The following CLSTN1 variants were observed in gnomAD, a reference collection of about 807,000 sequenced individuals.
CLSTN1 encodes the protein calsyntenin-1.
CLSTN1 carries 28 observed loss-of-function variants against 108.3 expected under a neutral mutation model. That is an observed-to-expected ratio of 0.26 (90% CI 0.19 to 0.35). The LOEUF (loss-of-function observed/expected upper bound fraction) is 0.35, where lower values mean the gene tolerates loss of function less well. CLSTN1 is among the 10% of genes least tolerant of loss of function. The probability of loss-of-function intolerance (pLI) is 1.00; values close to 1 mark genes in which losing one functional copy is unlikely to be tolerated. For missense variants in CLSTN1, 1,157 were observed against 1,302.6 expected (o/e 0.89, Z 1.72); for synonymous variants, 524 against 534.9 (o/e 0.98, Z 0.28).
rs569901195 is a variant in CLSTN1, at chr1:9,770,527, C to A, written c.214+2745G>T. Among the ~76,000 whole-genome samples, 111 of 152,316 alleles carry A rather than the reference C, an allele frequency of 7.3e-4. 1 individual carries two copies. Among genetic ancestry groups the A allele is most frequent in the African/African-American group, 2.6e-3 (109 of 41,572 alleles). ...GGCTGGAGCCCTGCCTCTGCACCCC[C>A]CGACCAGCTACACGCCCAGAGCAAT... On this transcript the variant is annotated intron_variant, in intron 2 of 18. Coordinates refer to ENST00000377298, the MANE Select transcript of CLSTN1 (RefSeq NM_001009566.3).
intron 7 of CLSTN1, among the ~76,000 whole-genome samples, chr1:9,748,296 C>G (rs796162118): frequency 9.9e-5 from 15 of 152,186 alleles, no homozygotes; most frequent in African/African-American, 3.6e-4. Context: ...TTAGATAAAC[C>G]AGAAAAATAT....
intron 1 of CLSTN1, among the ~76,000 whole-genome samples, chr1:9,809,596 C>T (rs1654643176): frequency 6.6e-6 from 1 of 152,096 alleles, no homozygotes; most frequent in Admixed American, 6.6e-5. Context: ...GCCTGGTCAA[C>T]ATGGTGAAAC....
chr1:9,812,550 TA>T (rs1157165915), intron 1 of CLSTN1, among the ~76,000 whole-genome samples: 1 of 152,060 alleles, frequency 6.6e-6, no homozygotes, highest in African/African-American at 2.4e-5. Flanking sequence ...AGGGTTGGTT[TA>T]AAAACCTATT....
intron 2 of CLSTN1, 87 bp from the exon 3 acceptor site, chr1:9,756,597 T>C: frequency 9.4e-7 from 1 of 1,065,782 alleles, no homozygotes; most frequent in Non-Finnish European, 1.4e-6. Flanking sequence ...AAGGTGCACA[T>C]ATTACACATT....
At chr1:9,778,004 A>C (rs1249259107) in intron 1 of CLSTN1, among the ~76,000 whole-genome samples, 1 of 152,040 alleles carries the variant, frequency 6.6e-6, no homozygotes, top group African/African-American at 2.4e-5. Flanking sequence ...ACTGGAGCCC[A>C]GTGCCCAAAG....
chr1:9,747,216 T>C (rs970821928), intron 7 of CLSTN1, among the ~76,000 whole-genome samples: 2 of 140,168 alleles, frequency 1.4e-5, no homozygotes, highest in African/African-American at 2.6e-5. Flanking sequence ...ACCTGGTGCA[T>C]AGTAAGCACT....
intron 2 of CLSTN1, among the ~76,000 whole-genome samples, chr1:9,766,801 T>A (rs1420061921): frequency 6.6e-6 from 1 of 152,218 alleles, no homozygotes; most frequent in Non-Finnish European, 1.5e-5. Flanking sequence ...ATACCAAGAC[T>A]CTGTATCAGA....
At chr1:9,791,657 G>C (rs1653777732) in intron 1 of CLSTN1, among the ~76,000 whole-genome samples, 1 of 151,222 alleles carries the variant, frequency 6.6e-6, no homozygotes. Flanking sequence ...TCAGCCTCCT[G>C]AGAAGTTGGG....
In CLSTN1 at chr1:9,735,506, G is replaced by C; in HGVS notation, c.1844C>G (p.Thr615Arg). Residue 615 changes from threonine to arginine, a missense_variant, in exon 13 of 19, where the codon ACG (threonine) becomes AGG (arginine). By Grantham distance (71) the Thr-to-Arg change is moderately conservative. Transcript: ENST00000377298. ...ISYLNSRQFP[T>R]PGIRRLKITS... ...GATTTTGAGTCTGCGAATTCCGGGC[G>C]TGGGGAACTGCCGGGAGTTCAGGTA... The C allele has an allele frequency of 1.2e-6, 2 of 1,614,192 alleles. No homozygotes were observed. The highest frequency in any genetic ancestry group is 1.7e-6 in the Non-Finnish European group (2 of 1,180,030).
chr1:9,794,195 G>A (rs942208457), intron 1 of CLSTN1, among the ~76,000 whole-genome samples: 1 of 151,544 alleles, frequency 6.6e-6, no homozygotes, highest in Non-Finnish European at 1.5e-5. Context: ...AGAGCCCTGA[G>A]CTTTCTTCAG....
intron 9 of CLSTN1, among the ~76,000 whole-genome samples, chr1:9,742,094 G>A (rs1651012418): frequency 6.6e-6 from 1 of 152,220 alleles, no homozygotes; most frequent in Non-Finnish European, 1.5e-5. Context: ...GCATCAGCCA[G>A]CTGCAATGGG....
intron 1 of CLSTN1, among the ~76,000 whole-genome samples, chr1:9,821,439 A>C (rs534318022): frequency 6.6e-6 from 1 of 151,220 alleles, no homozygotes; most frequent in African/African-American, 2.4e-5. Context: ...AGCTCTACTC[A>C]ATGTTTTTTG....
intron 2 of CLSTN1, among the ~76,000 whole-genome samples, chr1:9,761,369 T>C (rs898241886): frequency 6.6e-6 from 1 of 152,044 alleles, no homozygotes; most frequent in South Asian, 2.1e-4. Flanking sequence ...GGCGTGTGCC[T>C]GAGGTCCCGG....
At chr1:9,782,190 C>A (rs1477026610) in intron 1 of CLSTN1, among the ~76,000 whole-genome samples, 1 of 152,112 alleles carries the variant, frequency 6.6e-6, no homozygotes, top group Non-Finnish European at 1.5e-5. Context: ...AAAATTTAAA[C>A]TTCTAGAAAC....
chr1:9,788,696 T>C (rs575421858), intron 1 of CLSTN1, among the ~76,000 whole-genome samples: 3 of 150,814 alleles, frequency 2.0e-5, no homozygotes, highest in African/African-American at 7.3e-5. Context: ...TGAAACCCCA[T>C]CTCTACTAAA....
At chr1:9,766,971 CAT>C (rs939475922) in intron 2 of CLSTN1, among the ~76,000 whole-genome samples, 2 of 152,252 alleles carry the variant, frequency 1.3e-5, no homozygotes, top group East Asian at 1.9e-4. Context: ...CCCACACACA[CAT>C]GCCTTGTAGT....
chr1:9,789,501 A>G (rs1391739501), intron 1 of CLSTN1, among the ~76,000 whole-genome samples: 1 of 151,516 alleles, frequency 6.6e-6, no homozygotes, highest in East Asian at 2.0e-4. Context: ...ACTAACCACT[A>G]TAATGATCCA....
At chr1:9,776,835 C>G (rs951638508) in intron 1 of CLSTN1, among the ~76,000 whole-genome samples, 2 of 151,264 alleles carry the variant, frequency 1.3e-5, no homozygotes, top group Non-Finnish European at 2.9e-5. Context: ...TATCATCTAT[C>G]AGCATTTATC....
chr1:9,746,435 G>GCTA (rs1391002982), intron 7 of CLSTN1, among the ~76,000 whole-genome samples: 1 of 152,230 alleles, frequency 6.6e-6, no homozygotes. Flanking sequence ...AGCTCCTGAA[G>GCTA]CTAGACGTGG....
Sources: gnomAD v4.1 joint callset for allele counts (sites outside exome capture counted in the v4.1 genomes callset) on GRCh38, gnomAD v4.1.1 for gene constraint, MANE v1.5 for transcripts, NCBI Gene and HGNC (gene_info 2026-07-23, HGNC 2026-07-21) for gene names.